The following UGT8 variants were observed in gnomAD, a reference collection of about 807,000 sequenced individuals.
UGT8 encodes 2-hydroxyacylsphingosine 1-beta-galactosyltransferase.
In UGT8, 12 loss-of-function variants were observed where a neutral mutation model predicts 40.5. That is an observed-to-expected ratio of 0.30 (90% CI 0.19 to 0.48). The LOEUF (loss-of-function observed/expected upper bound fraction) is 0.48. UGT8 is among the 20% of genes least tolerant of loss of function. The probability of loss-of-function intolerance (pLI) is 0.99; values close to 1 mark genes in which losing one functional copy is unlikely to be tolerated. For synonymous variants in UGT8, 224 were observed against 240.4 expected, an observed-to-expected ratio of 0.93 and a Z score of 0.63; for missense variants, 513 against 648.7, an observed-to-expected ratio of 0.79 and a Z score of 2.27.
At chr4:114,667,661 C>A (rs894086713) in intron 4 of UGT8, 3 of 162,232 alleles carry the variant, frequency 1.8e-5, no homozygotes, top group African/African-American at 7.2e-5. Context: ...GAATCCAGCC[C>A]TTTTTTACAT....
intron 1 of UGT8, among the ~76,000 whole-genome samples, chr4:114,610,834 T>G (rs1319422530): frequency 3.3e-5 from 5 of 152,150 alleles, no homozygotes; most frequent in Non-Finnish European, 7.4e-5. Context: ...ACATGAAAAT[T>G]TATTTTGTGA....
upstream of UGT8, chr4:114,598,546 T>A (rs1437114523): frequency 2.0e-5 from 3 of 152,204 alleles, no homozygotes; most frequent in Non-Finnish European, 2.9e-5. Context: ...CGCGTCTGCA[T>A]CCATGCCCCA....
At chr4:114,652,508 T>C (rs1578449218) in intron 2 of UGT8, among the ~76,000 whole-genome samples, 1 of 151,992 alleles carries the variant, frequency 6.6e-6, no homozygotes, top group Admixed American at 6.6e-5. Context: ...AGTGCACTTT[T>C]ATGATGGGTC....
At chr4:114,611,902 C>A (rs1731116363) in intron 1 of UGT8, among the ~76,000 whole-genome samples, 1 of 151,994 alleles carries the variant, frequency 6.6e-6, no homozygotes, top group African/African-American at 2.4e-5. Context: ...GGGCTCATCC[C>A]AGATCTGTAA....
At chr4:114,665,784 T>C (rs1309079013) in intron 4 of UGT8, 28 bp downstream of exon 4, 4 of 1,570,792 alleles carry the variant, frequency 2.5e-6, no homozygotes, top group Middle Eastern at 1.7e-4. Flanking sequence ...GGTTACTTAC[T>C]TGGCTGTTAG....
At chr4:114,619,674 CATT>C (rs1731659014) in intron 1 of UGT8, 2 of 151,826 alleles carry the variant, frequency 1.3e-5, no homozygotes, top group African/African-American at 4.8e-5. Context: ...CTAGTGGCTG[CATT>C]ATATGAATGA....
intron 2 of UGT8, among the ~76,000 whole-genome samples, chr4:114,649,483 C>T (rs1314913559): frequency 6.6e-6 from 1 of 152,178 alleles, no homozygotes; most frequent in East Asian, 1.9e-4. Flanking sequence ...CTGAGATAAG[C>T]AGTCCAGGGT....
In UGT8 at chr4:114,614,891, T is replaced by A. The variant is rs182387457; in HGVS notation, c.-2-7988T>A. ...GGTGGAAGTTTTAACCAACAACAGG[T>A]GGCCTCAATTTTCTGAATTCTTTCT... On this transcript the variant is annotated intron_variant, in intron 1 of 5. Coordinates refer to ENST00000310836, the MANE Select transcript of UGT8 (RefSeq NM_001128174.3). Among the ~76,000 whole-genome samples, 489 of 144,892 alleles carry A rather than the reference T, an allele frequency of 3.4e-3. 9 individuals are homozygous for A. The highest frequency in any genetic ancestry group is 0.028 in the Admixed American group (393 of 14,048).
chr4:114,649,977 G>A (rs917649975), intron 2 of UGT8, among the ~76,000 whole-genome samples: 2 of 152,152 alleles, frequency 1.3e-5, no homozygotes, highest in Non-Finnish European at 2.9e-5. Context: ...TATGTGAGCT[G>A]CTAATTAAAA....
Position 114,677,234 on chromosome 4 carries a change from T to C in UGT8, c.*946T>C, listed in dbSNP as rs1735714575. The C allele has an allele frequency of 1.3e-5, 2 of 152,226 alleles. No homozygotes were observed. The highest frequency in any genetic ancestry group is 4.1e-4 in the South Asian group (2 of 4,834). 9.4% of individuals were successfully genotyped at this position (152,226 alleles called of 1,614,324 possible). A position where few individuals can be genotyped will look rare whatever the true frequency, so the allele number is the denominator to read the frequency against. On this transcript the variant is annotated 3_prime_UTR_variant, in exon 6 of 6. Coordinates refer to ENST00000310836, the MANE Select transcript of UGT8 (RefSeq NM_001128174.3). ...TATGTAACTGATGGCTTTTCTATAA[T>C]GTAATTTTTGAATGTTCAGGTGTTA...
chr4:114,662,816 CTTTTTTTTTTTTTT>C (rs142469406), intron 2 of UGT8, among the ~76,000 whole-genome samples: 2 of 53,172 alleles, frequency 3.8e-5, no homozygotes, highest in African/African-American at 1.6e-4. Flanking sequence ...TGTGACCATG[CTTTTTTTTTTTTTT>C]TTTTTTTTTT....
intron 1 of UGT8, among the ~76,000 whole-genome samples, chr4:114,616,744 A>G (rs969436515): frequency 3.9e-5 from 6 of 152,116 alleles, no homozygotes; most frequent in African/African-American, 1.2e-4. Context: ...CTTGGCTCCC[A>G]TGTATGGTAT....
intron 2 of UGT8, among the ~76,000 whole-genome samples, chr4:114,643,986 G>A (rs1050491882): frequency 5.3e-5 from 8 of 151,992 alleles, no homozygotes; most frequent in South Asian, 4.1e-4. Flanking sequence ...CAATTGCAGC[G>A]CCTACTACCC....
intron 2 of UGT8, among the ~76,000 whole-genome samples, chr4:114,649,512 A>G (rs988666346): frequency 7.2e-5 from 11 of 152,166 alleles, no homozygotes; most frequent in Non-Finnish European, 1.3e-4. Context: ...AATGCTGAGA[A>G]TCAGTAGGGA....
At chr4:114,633,567 G>A (rs1237982782) in intron 2 of UGT8, among the ~76,000 whole-genome samples, 4 of 152,210 alleles carry the variant, frequency 2.6e-5, no homozygotes, top group Non-Finnish European at 5.9e-5. Flanking sequence ...ATGATATCAT[G>A]CAAAGCCTTG....
intron 2 of UGT8, among the ~76,000 whole-genome samples, chr4:114,662,407 A>ATCTTT (rs1734596772): frequency 6.6e-6 from 1 of 152,234 alleles, no homozygotes; most frequent in African/African-American, 2.4e-5. Flanking sequence ...GCAAAATTTG[A>ATCTTT]AGTACAGTCT....
At chr4:114,633,280 T>C (rs571951082) in intron 2 of UGT8, among the ~76,000 whole-genome samples, 5 of 151,920 alleles carry the variant, frequency 3.3e-5, no homozygotes, top group African/African-American at 1.2e-4. Flanking sequence ...TGTAAACAAA[T>C]TAATATGATG....
upstream of UGT8, chr4:114,598,626 C>T (rs917460567): frequency 1.3e-5 from 2 of 152,188 alleles, no homozygotes; most frequent in Non-Finnish European, 2.9e-5. Flanking sequence ...CGGCCCGTGT[C>T]GTGCCCCGCT....
chr4:114,613,720 A>G (rs1041548293), intron 1 of UGT8, among the ~76,000 whole-genome samples: 1 of 152,170 alleles, frequency 6.6e-6, no homozygotes, highest in Admixed American at 6.5e-5. Flanking sequence ...GTTCGGTGGG[A>G]GAATTGCATA....
Sources: gnomAD v4.1 joint callset for allele counts (sites outside exome capture counted in the v4.1 genomes callset) on GRCh38, gnomAD v4.1.1 for gene constraint, MANE v1.5 for transcripts, NCBI Gene and HGNC (gene_info 2026-07-23, HGNC 2026-07-21) for gene names.